Variants in GRIN3A observed in about 807,000 individuals in gnomAD.
The protein encoded by GRIN3A is glutamate receptor ionotropic, NMDA 3A.
Under a neutral mutation model 92.4 loss-of-function variants are expected in GRIN3A, and 47 were observed. That is an observed-to-expected ratio of 0.51 (90% CI 0.40 to 0.65). The LOEUF (loss-of-function observed/expected upper bound fraction) is 0.65, where lower values mean the gene tolerates loss of function less well. GRIN3A is among the 30% of genes least tolerant of loss of function. The pLI, the probability that GRIN3A is intolerant of heterozygous loss-of-function variation, is 0.00. For missense variants in GRIN3A, 1,324 were observed against 1,393.1 expected, an observed-to-expected ratio of 0.95 and a Z score of 0.79; for synonymous variants, 527 against 540.6, an observed-to-expected ratio of 0.97 and a Z score of 0.35.
rs757291492 is a variant in GRIN3A, at chr9:101,623,342, C to T, written c.2590G>A (p.Val864Met). The T allele has an allele frequency of 6.8e-6, 11 of 1,612,504 alleles. No homozygotes were observed. Among genetic ancestry groups the T allele is most frequent in the South Asian group, 3.3e-5 (3 of 91,052 alleles). The change falls in exon 5 of 9, where the codon GTG becomes ATG. Residue 864 changes from valine (V) to methionine (M), a missense_variant. Transcript: ENST00000361820. ...CCTTCTATGGCAAATGGCTTCCCCACAGTGAGAAGTTTGCAGTCAGCATCT... is the reference window on the plus strand; with the variant it reads ...CCTTCTATGGCAAATGGCTTCCCCATAGTGAGAAGTTTGCAGTCAGCATCT... ...SIDADCKLLTVGKPFAIEGYG... is the reference protein window; with the variant it reads ...SIDADCKLLTMGKPFAIEGYG...
chr9:101,645,551 G>A (rs917357595), intron 3 of GRIN3A, among the ~76,000 whole-genome samples: 1 of 151,466 alleles, frequency 6.6e-6, no homozygotes, highest in African/African-American at 2.4e-5. Context: ...TGCTGGATCA[G>A]CAGCGGATTG....
intron 3 of GRIN3A, 69 bp from the exon 4 acceptor site, chr9:101,628,470 A>C: frequency 2.0e-6 from 3 of 1,488,072 alleles, no homozygotes; most frequent in Non-Finnish European, 2.8e-6. Context: ...CATTTTTTTC[A>C]TAATTCTTTG....
intron 1 of GRIN3A, among the ~76,000 whole-genome samples, chr9:101,713,380 G>A (rs1319952987): frequency 6.6e-6 from 1 of 152,064 alleles, no homozygotes; most frequent in Non-Finnish European, 1.5e-5. Flanking sequence ...CAACAAAAAG[G>A]GCATATCAGA....
chr9:101,661,662 G>C (rs1323295368), intron 3 of GRIN3A, among the ~76,000 whole-genome samples: 8 of 151,734 alleles, frequency 5.3e-5, no homozygotes, highest in African/African-American at 1.7e-4. Context: ...TTTAAGTAAG[G>C]CTGCAGTGAC....
At chr9:101,620,198 G>A (rs1828531689) in intron 5 of GRIN3A, among the ~76,000 whole-genome samples, 1 of 152,168 alleles carries the variant, frequency 6.6e-6, no homozygotes, top group African/African-American at 2.4e-5. Flanking sequence ...TGGAGGCTGG[G>A]AAGTCCAAGA....
intron 6 of GRIN3A, chr9:101,594,254 A>G: frequency 1.1e-6 from 1 of 917,064 alleles, no homozygotes; most frequent in Non-Finnish European, 1.6e-6. Context: ...AATTAATAGC[A>G]CTGAGTTGGT....
chr9:101,701,883 C>G (rs1461843872), intron 1 of GRIN3A, among the ~76,000 whole-genome samples: 3 of 152,194 alleles, frequency 2.0e-5, no homozygotes, highest in Non-Finnish European at 4.4e-5. Flanking sequence ...AGCAGTCTCT[C>G]TCTATCCTGA....
At chr9:101,680,796 T>C (rs868249518) in intron 2 of GRIN3A, among the ~76,000 whole-genome samples, 7 of 152,290 alleles carry the variant, frequency 4.6e-5, no homozygotes, top group Middle Eastern at 6.8e-3. Flanking sequence ...TTTCAGCAAA[T>C]ACATGTGAAC....
chr9:101,695,111 G>C (rs1829668638), intron 1 of GRIN3A, among the ~76,000 whole-genome samples: 1 of 152,168 alleles, frequency 6.6e-6, no homozygotes, highest in Non-Finnish European at 1.5e-5. Flanking sequence ...TAGCATGTAT[G>C]CAAAGCATCA....
chr9:101,614,608 A>ATTTTTTT (rs1564126676), intron 5 of GRIN3A, among the ~76,000 whole-genome samples: 2 of 128,404 alleles, frequency 1.6e-5, no homozygotes, highest in African/African-American at 6.0e-5. Context: ...TATATGTGAT[A>ATTTTTTT]CTTTTTTTTT....
At chr9:101,650,821 C>CGTGTGTGTGTGTGTGTGTGTGTGGT (rs1829005345) in intron 3 of GRIN3A, among the ~76,000 whole-genome samples, 1 of 151,896 alleles carries the variant, frequency 6.6e-6, no homozygotes, top group African/African-American at 2.4e-5. Flanking sequence ...TTCCACCCCC[C>CGTGTGTGTGTGTGTGTGTGTGTGGT]CACACACATT....
At chr9:101,601,101 CAAG>C (rs1043694083) in intron 6 of GRIN3A, 9 of 152,080 alleles carry the variant, frequency 5.9e-5, no homozygotes, top group African/African-American at 2.2e-4. Flanking sequence ...TTTCTTTCTT[CAAG>C]AAGTATTTGA....
At chr9:101,716,440 T>C (rs548055479) in intron 1 of GRIN3A, among the ~76,000 whole-genome samples, 63 of 152,332 alleles carry the variant, frequency 4.1e-4, no homozygotes, top group South Asian at 8.3e-4. Flanking sequence ...CTATGAGTAG[T>C]TATCATTATC....
intron 6 of GRIN3A, among the ~76,000 whole-genome samples, chr9:101,580,865 A>G (rs1827878656): frequency 6.6e-6 from 1 of 152,224 alleles, no homozygotes; most frequent in Admixed American, 6.5e-5. Flanking sequence ...ATACCAAAAC[A>G]GCAGCAGTTA....
At chr9:101,723,779 C>T (rs1228981341) in intron 1 of GRIN3A, among the ~76,000 whole-genome samples, 1 of 152,146 alleles carries the variant, frequency 6.6e-6, no homozygotes, top group Non-Finnish European at 1.5e-5. Context: ...TCGATTGGTG[C>T]ATTCACAAAC....
Position 101,572,497 on chromosome 9 carries a change from C to T in GRIN3A, c.*677G>A, listed in dbSNP as rs970151563. 2.6e-5 allele frequency: 4 copies of T among 153,000 alleles called. No homozygotes were observed. Among genetic ancestry groups the T allele is most frequent in the African/African-American group, 9.6e-5 (4 of 41,462 alleles). The allele number at this position is 153,000 out of a possible 1,614,324, so 9.5% of individuals were successfully genotyped here. On this transcript the variant is annotated 3_prime_UTR_variant, in exon 9 of 9. Transcript: ENST00000361820. ...CTCTGCTGCCTGTCTTCTGTTTCCG[C>T]TTACCACATCCCCTCCCCTTTTCAC... is the stretch of plus-strand genomic sequence containing the variant.
chr9:101,728,338 G>T (rs913733311), intron 1 of GRIN3A, among the ~76,000 whole-genome samples: 2 of 152,140 alleles, frequency 1.3e-5, no homozygotes, highest in African/African-American at 2.4e-5. Context: ...AGTAAGTTCA[G>T]CTAATGACCA....
chr9:101,642,337 TAG>T (rs978160323), intron 3 of GRIN3A, among the ~76,000 whole-genome samples: 1 of 152,034 alleles, frequency 6.6e-6, no homozygotes, highest in African/African-American at 2.4e-5. Flanking sequence ...CAAAATAGAT[TAG>T]AGAGTTAAAT....
intron 1 of GRIN3A, among the ~76,000 whole-genome samples, chr9:101,700,258 A>G (rs1265766208): frequency 6.6e-6 from 1 of 152,202 alleles, no homozygotes; most frequent in Non-Finnish European, 1.5e-5. Context: ...TGTAGTTTAG[A>G]TTTACAGGAA....
Sources: gnomAD v4.1 joint callset for allele counts (sites outside exome capture counted in the v4.1 genomes callset) on GRCh38, gnomAD v4.1.1 for gene constraint, MANE v1.5 for transcripts, NCBI Gene and HGNC (gene_info 2026-07-23, HGNC 2026-07-21) for gene names.